Variants in SPECC1L observed in about 807,000 individuals in gnomAD.
The protein encoded by SPECC1L is sperm antigen with calponin homology and coiled-coil domains 1 like.
In SPECC1L, 40 loss-of-function variants were observed where a neutral mutation model predicts 116.8. That is an observed-to-expected ratio of 0.34 (90% confidence interval 0.27 to 0.45). The LOEUF (loss-of-function observed/expected upper bound fraction) is 0.45. Among genes scored for constraint, SPECC1L ranks in the 20% least tolerant of loss-of-function variants. The pLI is 1.00. For synonymous variants in SPECC1L, 504 were observed against 500.6 expected (o/e 1.01, Z -0.09); for missense variants, 1,110 against 1,373.6 (o/e 0.81, Z 3.03).
intron 8 of SPECC1L, among the ~76,000 whole-genome samples, chr22:24,333,149 A>T (rs1317030118): frequency 6.6e-6 from 1 of 152,118 alleles, no homozygotes; most frequent in Non-Finnish European, 1.5e-5. Context: ...AATCACTTGA[A>T]CCTGGGAGGT....
chr22:24,338,506 T>C lies in SPECC1L; in HGVS notation c.2652+29T>C, dbSNP rs200346389. On this transcript the variant is annotated intron_variant, in intron 10 of 16. Coordinates refer to ENST00000314328, the MANE Select transcript of SPECC1L (RefSeq NM_015330.6). ...AGTGCCTGGAACCACAGGAGGCTCT[T>C]AGAGCCTCAGAATCTGAAAGTTGAG... is the stretch of plus-strand genomic sequence containing the variant. 36 of 1,596,220 alleles carry C rather than the reference T, an allele frequency of 2.3e-5. No homozygotes were observed. In the African/African-American group the frequency reaches 4.4e-4, roughly 20 times the overall value.
At chr22:24,371,892 T>C (rs1381380365) in intron 14 of SPECC1L, among the ~76,000 whole-genome samples, 2 of 152,192 alleles carry the variant, frequency 1.3e-5, no homozygotes, top group Non-Finnish European at 2.9e-5. Context: ...CAGCTAATTT[T>C]TGTATTTTAG....
intron 6 of SPECC1L, 21 bp downstream of exon 6, chr22:24,324,448 A>G: frequency 6.2e-7 from 1 of 1,601,006 alleles, no homozygotes; most frequent in Non-Finnish European, 8.6e-7. Context: ...AGAACTTTTC[A>G]TTCTTTTTTG....
At chr22:24,294,626 A>G (rs200998445) in intron 2 of SPECC1L, among the ~76,000 whole-genome samples, 2 of 151,892 alleles carry the variant, frequency 1.3e-5, no homozygotes, top group East Asian at 3.9e-4. Context: ...CACTTGATCC[A>G]CCTGCCTCGG....
chr22:24,413,497 G>C (rs1002544227), intron 16 of SPECC1L, among the ~76,000 whole-genome samples: 1 of 152,048 alleles, frequency 6.6e-6, no homozygotes, highest in Admixed American at 6.6e-5. Context: ...CCCCATCCCC[G>C]TGCCCCCAGC....
intron 10 of SPECC1L, chr22:24,343,680 C>T: frequency 4.9e-6 from 1 of 203,994 alleles, no homozygotes; most frequent in Non-Finnish European, 1.0e-5. Context: ...AGGCTTGTCT[C>T]AAATTCCTGG....
chr22:24,382,076 A>T (rs2042072773), intron 14 of SPECC1L, among the ~76,000 whole-genome samples: 1 of 152,248 alleles, frequency 6.6e-6, no homozygotes, highest in African/African-American at 2.4e-5. Flanking sequence ...GTTATAAAAG[A>T]ATATCAGACC....
intron 16 of SPECC1L, among the ~76,000 whole-genome samples, chr22:24,413,219 A>C (rs572984694): frequency 6.6e-6 from 1 of 152,288 alleles, no homozygotes; most frequent in East Asian, 1.9e-4. Context: ...CGCCACTCAC[A>C]GGACAGAAGT....
intron 4 of SPECC1L, among the ~76,000 whole-genome samples, chr22:24,320,529 CTATT>C (rs2040700522): frequency 6.6e-6 from 1 of 152,114 alleles, no homozygotes. Flanking sequence ...TTTGGCTCAT[CTATT>C]TATTACCTGT....
At chr22:24,276,619 T>A in intron 1 of SPECC1L, 81 bp from the exon 2 acceptor site, 1 of 344,670 alleles carries the variant, frequency 2.9e-6, no homozygotes, top group South Asian at 2.2e-5. Context: ...ATTAGGTCAA[T>A]AAGGTTTATT....
chr22:24,382,237 C>T (rs1475753242), intron 14 of SPECC1L, among the ~76,000 whole-genome samples: 2 of 152,138 alleles, frequency 1.3e-5, no homozygotes, highest in African/African-American at 2.4e-5. Context: ...CATATTTACC[C>T]CTGCTTTTTT....
intron 2 of SPECC1L, among the ~76,000 whole-genome samples, chr22:24,289,464 C>T (rs2049115657): frequency 6.6e-6 from 1 of 151,844 alleles, no homozygotes; most frequent in Admixed American, 6.6e-5. Context: ...AAGATTAGGA[C>T]TTTTATTTCA....
intron 13 of SPECC1L, among the ~76,000 whole-genome samples, chr22:24,367,809 A>T (rs2041800494): frequency 6.6e-6 from 1 of 152,202 alleles, no homozygotes; most frequent in Non-Finnish European, 1.5e-5. Flanking sequence ...GCTGCTTGTA[A>T]CATACGAACC....
chr22:24,278,334 C>T (rs1048919169), intron 2 of SPECC1L, among the ~76,000 whole-genome samples: 4 of 152,098 alleles, frequency 2.6e-5, no homozygotes, highest in African/African-American at 9.7e-5. Context: ...ATACTGTAGC[C>T]TGGGTGTCAG....
intron 2 of SPECC1L, among the ~76,000 whole-genome samples, chr22:24,288,193 A>C (rs1156728760): frequency 6.6e-6 from 1 of 152,170 alleles, no homozygotes; most frequent in Non-Finnish European, 1.5e-5. Context: ...TTCCAAGTTT[A>C]ACCAGTCCCC....
intron 13 of SPECC1L, among the ~76,000 whole-genome samples, chr22:24,367,726 T>TTTGGA (rs2041798539): frequency 1.3e-5 from 2 of 152,228 alleles, no homozygotes; most frequent in Non-Finnish European, 2.9e-5. Context: ...CTGTTGTAAA[T>TTTGGA]GTGTCCTCTT....
At chr22:24,335,916 GTTATAC>G (rs889328540) in intron 9 of SPECC1L, among the ~76,000 whole-genome samples, 6 of 151,886 alleles carry the variant, frequency 4.0e-5, no homozygotes, top group African/African-American at 7.3e-5. Flanking sequence ...CTCTGAAGTT[GTTATAC>G]TTAGTACTGG....
At chr22:24,327,277 C>CAAAAAAAAAAAAAAAAAA (rs58725731) in intron 6 of SPECC1L, among the ~76,000 whole-genome samples, 1 of 41,958 alleles carries the variant, frequency 2.4e-5, no homozygotes, top group African/African-American at 7.5e-5. Flanking sequence ...GACTCCGTCT[C>CAAAAAAAAAAAAAAAAAA]AAAAAAAAAA....
rs370506900 is a variant in SPECC1L at position 24,415,676 on chromosome 22, T to C, written c.*1053T>C. 6 of 152,580 alleles carry C rather than the reference T, an allele frequency of 3.9e-5. No individual in the cohort carries two copies. In the South Asian group the frequency reaches 8.3e-4, roughly 21 times the overall value. The allele number at this position is 152,580 out of a possible 1,614,324, so 9.5% of individuals were successfully genotyped here. On this transcript the variant is annotated 3_prime_UTR_variant, in exon 17 of 17. Transcript: ENST00000314328. ...TTAAAGAAAGTGCCTTAACTCTTCTTGTGAGGGCAGCCACTGCCCTCCGTG... is the reference window on the plus strand; with the variant it reads ...TTAAAGAAAGTGCCTTAACTCTTCTCGTGAGGGCAGCCACTGCCCTCCGTG...
Sources: allele counts gnomAD v4.1 joint callset (sites outside exome capture counted in the v4.1 genomes callset), GRCh38; gene constraint gnomAD v4.1.1; transcripts MANE v1.5; gene names NCBI Gene and HGNC (gene_info 2026-07-23, HGNC 2026-07-21).